The following CYB5A variants were observed in gnomAD, a reference collection of about 807,000 sequenced individuals.
The protein encoded by CYB5A is cytochrome b5 type A.
Under a neutral mutation model 16.2 loss-of-function variants are expected in CYB5A, and 10 were observed. The ratio of observed to expected loss-of-function variants is 0.62; its 90% CI spans 0.38 to 1.04. CYB5A has a LOEUF of 1.04. CYB5A is among the 50% of genes least tolerant of loss of function. The pLI is 0.01. For missense variants in CYB5A, 161 were observed against 165.9 expected (o/e 0.97, Z 0.16); for synonymous variants, 62 against 57.0 (o/e 1.09, Z -0.40).
chr18:74,289,934 CG>C (rs1164343195), intron 1 of CYB5A, among the ~76,000 whole-genome samples: 2 of 152,012 alleles, frequency 1.3e-5, no homozygotes, highest in Non-Finnish European at 2.9e-5. Context: ...TGAAAAAACT[CG>C]CTTTAGGAGA....
intron 1 of CYB5A, among the ~76,000 whole-genome samples, chr18:74,273,967 C>T (rs1982770455): frequency 6.6e-6 from 1 of 152,210 alleles, no homozygotes; most frequent in African/African-American, 2.4e-5. Context: ...GTTCACATGG[C>T]ACAGCCAATC....
intron 1 of CYB5A, among the ~76,000 whole-genome samples, chr18:74,275,760 G>T (rs1982847363): frequency 6.6e-6 from 1 of 152,246 alleles, no homozygotes; most frequent in Admixed American, 6.5e-5. Flanking sequence ...GCAGAGTCTG[G>T]AAAAGCGGGA....
At chr18:74,258,419 C>T (rs1330744278) in intron 3 of CYB5A, 2 of 152,230 alleles carry the variant, frequency 1.3e-5, no homozygotes, top group African/African-American at 4.8e-5. Context: ...ATTTCTAAGT[C>T]TACAAATATC....
rs1002865087 is a variant in CYB5A at position 74,252,001 on chromosome 18, G to A, written c.*1583C>T. The A allele has an allele frequency of 6.6e-6, 1 of 152,192 alleles. No individual in the cohort carries two copies. The highest frequency in any genetic ancestry group is 1.5e-5 in the Non-Finnish European group (1 of 68,038). 9.4% of individuals were successfully genotyped at this position (152,192 alleles called of 1,614,324 possible). ...AATGTTTTAAAAACTACTAAAATGT[G>A]AAGCTTTATAGCTAAAAATCACAAC... On this transcript the variant is annotated 3_prime_UTR_variant, in exon 5 of 5. Coordinates refer to ENST00000340533, the MANE Select transcript of CYB5A (RefSeq NM_148923.4).
intron 1 of CYB5A, 125 bp downstream of exon 1, chr18:74,291,622 C>G: frequency 7.0e-7 from 1 of 1,435,898 alleles, no homozygotes; most frequent in African/African-American, 1.4e-5. Flanking sequence ...CGCAGGTGAG[C>G]GAACTCGGGG....
At position 74,291,803 on chromosome 18, in the gene CYB5A, T is replaced by C. The variant is rs200020793; in HGVS notation, c.73A>G (p.Ser25Gly). 1.4e-5 allele frequency: 23 copies of C among 1,613,898 alleles called. 1 individual carries two copies. In the Middle Eastern group the frequency reaches 5.0e-4, roughly 35 times the overall value. ...TTGTGGTGCAGGATCAGCCAGGTGC[T>C]CTTGCTGTGGTTGTGCTTCTGAATC... Reference protein sequence around the residue: ...EEIQKHNHSKSTWLILHHKVY... With the variant: ...EEIQKHNHSKGTWLILHHKVY... The change falls in exon 1 of 5, where the codon AGC becomes GGC. Residue 25 changes from serine (S) to glycine (G), a missense_variant. Coordinates refer to ENST00000340533, the MANE Select transcript of CYB5A (RefSeq NM_148923.4).
Position 74,291,766 on chromosome 18 carries a change from A to G in CYB5A, c.110T>C (p.Leu37Ser), listed in dbSNP as rs573359213. The G allele has an allele frequency of 6.2e-7, 1 of 1,613,880 alleles. No individual in the cohort carries two copies. The highest frequency in any genetic ancestry group is 1.3e-5 in the African/African-American group (1 of 75,036). ...WLILHHKVYD[L>S]TKFLEEHPGG... ...ACTCACCTCTTCCAGAAATTTGGTC[A>G]AATCGTACACCTTGTGGTGCAGGAT... The change falls in exon 1 of 5, where the codon TTG becomes TCG. Residue 37 changes from leucine (L) to serine (S), a missense_variant. Coordinates refer to ENST00000340533, the MANE Select transcript of CYB5A (RefSeq NM_148923.4).
At chr18:74,276,257 G>A in intron 1 of CYB5A, among the ~76,000 whole-genome samples, 1 of 152,150 alleles carries the variant, frequency 6.6e-6, no homozygotes, top group East Asian at 1.9e-4. Context: ...GTGCCACACT[G>A]ATAGCTCACG....
rs1317850356 is a variant in CYB5A, at chr18:74,251,682, G to T, written c.*1902C>A. On this transcript the variant is annotated 3_prime_UTR_variant, in exon 5 of 5. Coordinates refer to ENST00000340533, the MANE Select transcript of CYB5A (RefSeq NM_148923.4). ...TGAAGGGAAAGCAATAGAGAAAAAA[G>T]TGTCAAATATCTTTCCTTGAGAGTC... 3.9e-5 allele frequency: 6 copies of T among 152,180 alleles called. No homozygotes were observed. The highest frequency in any genetic ancestry group is 3.3e-4 in the Admixed American group (5 of 15,276). The allele number at this position is 152,180 out of a possible 1,614,324, so 9.4% of individuals were successfully genotyped here. A position where few individuals can be genotyped will look rare whatever the true frequency, so the allele number is the denominator to read the frequency against.
chr18:74,277,864 G>A (rs1982941572), intron 1 of CYB5A, among the ~76,000 whole-genome samples: 1 of 152,154 alleles, frequency 6.6e-6, no homozygotes, highest in African/African-American at 2.4e-5. Context: ...GTGAGGGCTT[G>A]GGTCTCCAGT....
At chr18:74,259,758 T>C (rs1982125122) in intron 3 of CYB5A, 1 of 152,194 alleles carries the variant, frequency 6.6e-6, no homozygotes, top group African/African-American at 2.4e-5. Context: ...AAAAACTTTA[T>C]GCAACACAGA....
rs534109929 is a variant in CYB5A, at chr18:74,251,230, C to G, written c.*2354G>C. ...GCCAAGGTTGAGGACATGCCCGTGA[C>G]AAAGCATCAGGAGGTCCTAATGACA... On this transcript the variant is annotated 3_prime_UTR_variant, in exon 5 of 5. Coordinates refer to ENST00000340533, the MANE Select transcript of CYB5A (RefSeq NM_148923.4). The G allele has an allele frequency of 6.6e-6, 1 of 151,136 alleles. No homozygotes were observed. Among genetic ancestry groups the G allele is most frequent in the East Asian group, 2.0e-4 (1 of 5,110 alleles). 9.4% of individuals were successfully genotyped at this position (151,136 alleles called of 1,614,324 possible). A position where few individuals can be genotyped will look rare whatever the true frequency, so the allele number is the denominator to read the frequency against.
chr18:74,268,250 A>G (rs1480052854), intron 1 of CYB5A, among the ~76,000 whole-genome samples: 2 of 152,222 alleles, frequency 1.3e-5, no homozygotes, highest in Non-Finnish European at 2.9e-5. Context: ...AATATGACAC[A>G]GGAATGTCAC....
intron 1 of CYB5A, among the ~76,000 whole-genome samples, chr18:74,282,923 T>G (rs1008887018): frequency 6.6e-6 from 1 of 152,122 alleles, no homozygotes; most frequent in Non-Finnish European, 1.5e-5. Flanking sequence ...AAGATCAAGT[T>G]TTTTTTGTGT....
intron 1 of CYB5A, among the ~76,000 whole-genome samples, chr18:74,281,686 A>G (rs2850585): frequency 0.24 from 36,041 of 151,708 alleles, 4,806 homozygotes; most frequent in African/African-American, 0.36. Flanking sequence ...GGCTTCTACT[A>G]TTCAGGGGAG....
chr18:74,282,506 C>T (rs184059088), intron 1 of CYB5A, among the ~76,000 whole-genome samples: 1 of 152,168 alleles, frequency 6.6e-6, no homozygotes, highest in Admixed American at 6.5e-5. Flanking sequence ...TTCCTGGCAC[C>T]GGACATGGGC....
At chr18:74,275,664 C>T (rs976275852) in intron 1 of CYB5A, among the ~76,000 whole-genome samples, 4 of 152,152 alleles carry the variant, frequency 2.6e-5, no homozygotes, top group Non-Finnish European at 2.9e-5. Context: ...GTCCGAGCCT[C>T]GAGAAGCTTC....
chr18:74,277,638 A>G (rs1982931793), intron 1 of CYB5A, among the ~76,000 whole-genome samples: 1 of 152,198 alleles, frequency 6.6e-6, no homozygotes, highest in African/African-American at 2.4e-5. Context: ...GGCACAAAAG[A>G]TGGAGGGATT....
intron 2 of CYB5A, chr18:74,261,485 G>A (rs8098571): frequency 0.62 from 104,935 of 169,412 alleles, 33,544 homozygotes; most frequent in Middle Eastern, 0.72. Context: ...CCTGAAACCT[G>A]ACCCACAGCT....
Sources: gnomAD v4.1 joint callset for allele counts (sites outside exome capture counted in the v4.1 genomes callset) on GRCh38, gnomAD v4.1.1 for gene constraint, MANE v1.5 for transcripts, NCBI Gene and HGNC (gene_info 2026-07-23, HGNC 2026-07-21) for gene names.